Variants in MYH13 observed in about 807,000 individuals in gnomAD.
The protein encoded by MYH13 is myosin heavy chain 13.
Under a neutral mutation model 232.1 loss-of-function variants are expected in MYH13, and 177 were observed. The observed-to-expected ratio is 0.76, with a 90% CI of 0.67 to 0.86. The LOEUF is 0.86. MYH13 is among the 40% of genes least tolerant of loss of function. MYH13 has a pLI of 0.00. For missense variants in MYH13, 2,246 were observed against 2,405.9 expected (o/e 0.93, Z 1.39); for synonymous variants, 884 against 923.5 (o/e 0.96, Z 0.78).
At chr17:10,335,479 G>A (rs1162545129) in intron 18 of MYH13, among the ~76,000 whole-genome samples, 1 of 152,194 alleles carries the variant, frequency 6.6e-6, no homozygotes, top group Non-Finnish European at 1.5e-5. Flanking sequence ...CAGGCCCGGT[G>A]CGATGGCTCA....
At position 10,313,209 on chromosome 17, in the gene MYH13, G is replaced by A. The variant is rs773470485; in HGVS notation, c.4130C>T (p.Thr1377Ile). ...KANSEVAQWR[T>I]KYETDAIQRT... ...CTGAATGGCGTCCGTCTCGTATTTGGTCCTCCACTGGGCAACCTCACTGTT... is the reference window on the plus strand; with the variant it reads ...CTGAATGGCGTCCGTCTCGTATTTGATCCTCCACTGGGCAACCTCACTGTT... The change falls in exon 30 of 41, where the codon ACC (threonine) becomes ATC (isoleucine). Residue 1377 changes from threonine (T) to isoleucine (I), a missense_variant. Physicochemically the swap from Thr to Ile is moderately conservative, Grantham distance 89. Transcript: ENST00000252172. 4.3e-6 allele frequency: 7 copies of A among 1,614,140 alleles called. No individual in the cohort carries two copies. The Admixed American group carries it at 1.0e-4, about 23-fold the overall frequency.
In MYH13 at chr17:10,306,269, T is replaced by TGTGTGTGTGTGTGTG. The variant is rs1906282710; in HGVS notation, c.5466+189_5466+190insCACACACACACACAC. On this transcript the variant is annotated intron_variant, in intron 37 of 40. Transcript: ENST00000252172. This position sits in a 1 kb window ranked among gnomAD's most constrained non-coding sequence, Gnocchi z 4.3. ...GTGTGTGTGTGTGTGTGTGTGTGTGTTTTGGGGCATAGGAACAGGTGAAAC... is the reference window on the plus strand; with the variant it reads ...GTGTGTGTGTGTGTGTGTGTGTGTGTGTGTGTGTGTGTGTGTTTGGGGCATAGGAACAGGTGAAAC... 1.8e-4 allele frequency among the ~76,000 whole-genome samples: 25 copies of TGTGTGTGTGTGTGTG among 141,484 alleles called. No homozygotes were observed. The highest frequency in any genetic ancestry group is 3.4e-4 in the Non-Finnish European group (22 of 64,918). The allele number at this position is 141,484 out of a possible 152,430, so 92.8% of individuals were successfully genotyped here.
chr17:10,346,422 T>G (rs576216732), intron 13 of MYH13, among the ~76,000 whole-genome samples: 1 of 152,208 alleles, frequency 6.6e-6, no homozygotes. Flanking sequence ...CAACAGCCCA[T>G]GAATCCCAGA....
chr17:10,319,320 CCAACA>C lies in MYH13; in HGVS notation c.3349-146_3349-142del. 2.8e-6 allele frequency: 3 copies of C among 1,059,656 alleles called. No individual in the cohort carries two copies. The South Asian group carries it at 5.2e-5, about 18-fold the overall frequency. The allele number at this position is 1,059,656 out of a possible 1,614,324, so 65.6% of individuals were successfully genotyped here. ...GGTCAGGAGTTTGAAACCAGCCTGG[CCAACA>C]TGGTGAAACTCCGCCTCTACTAAAA... On this transcript the variant is annotated intron_variant, in intron 26 of 40. Coordinates refer to ENST00000252172, the MANE Select transcript of MYH13 (RefSeq NM_003802.3).
At chr17:10,305,643 C>T (rs1045402272) in intron 37 of MYH13, among the ~76,000 whole-genome samples, 3 of 152,252 alleles carry the variant, frequency 2.0e-5, no homozygotes, top group South Asian at 4.2e-4. Flanking sequence ...AAGAGACATT[C>T]GAACAGCCTC....
chr17:10,367,045 C>T (rs951861826), intron 2 of MYH13, among the ~76,000 whole-genome samples: 1 of 152,210 alleles, frequency 6.6e-6, no homozygotes, highest in Admixed American at 6.5e-5. Flanking sequence ...TTTAGAGTCT[C>T]TCAGTTACCA....
At chr17:10,348,776 G>C (rs749656247) in intron 12 of MYH13, among the ~76,000 whole-genome samples, 1 of 151,960 alleles carries the variant, frequency 6.6e-6, no homozygotes, top group Non-Finnish European at 1.5e-5. Context: ...TACTTCCCCT[G>C]CTACTTGGAC....
In MYH13 at chr17:10,320,479, C is replaced by A. The variant is rs551341526; in HGVS notation, c.3129G>T (p.Glu1043Asp). 19 of 1,613,034 alleles carry A rather than the reference C, an allele frequency of 1.2e-5. No homozygotes were observed. In the African/African-American group the frequency reaches 2.4e-4, roughly 20 times the overall value. Residue 1043 changes from glutamate (E) to aspartate (D), a missense_variant, in exon 25 of 41, where the codon GAG (glutamate) becomes GAT (aspartate). Glu to Asp is a conservative substitution (Grantham distance 45, BLOSUM62 2). Transcript: ENST00000252172. ...QQTDDLEGSL[E>D]QEKKLRADLE... ...AGTCCGCCCGCAGTTTCTTCTCCTGCTCTAAGGAACCCTCAAGCTGAGAAG... is the reference window on the plus strand; with the variant it reads ...AGTCCGCCCGCAGTTTCTTCTCCTGATCTAAGGAACCCTCAAGCTGAGAAG...
intron 18 of MYH13, 104 bp from the exon 19 acceptor site, chr17:10,333,295 A>T: frequency 1.2e-6 from 1 of 800,346 alleles, no homozygotes; most frequent in Non-Finnish European, 2.1e-6. Flanking sequence ...TGAGTGGGAG[A>T]GTCAGTGAGT....
chr17:10,303,019 G>A (rs150812705), intron 39 of MYH13, among the ~76,000 whole-genome samples, 177 bp downstream of exon 39: 129 of 152,112 alleles, frequency 8.5e-4, no homozygotes, highest in Non-Finnish European at 1.6e-3. Flanking sequence ...GGTGAAGGTC[G>A]TGAAGGCTTA....
intron 37 of MYH13, among the ~76,000 whole-genome samples, chr17:10,305,023 G>T (rs984198794): frequency 1.3e-5 from 2 of 152,158 alleles, no homozygotes; most frequent in African/African-American, 4.8e-5. Context: ...TAATCGGACA[G>T]GCTTACTCTG....
At chr17:10,315,523 T>C (rs1018994579) in intron 29 of MYH13, among the ~76,000 whole-genome samples, 170 bp downstream of exon 29, 1 of 152,174 alleles carries the variant, frequency 6.6e-6, no homozygotes, top group African/African-American at 2.4e-5. Context: ...CTTGAACTCC[T>C]GATCTCGTGA....
chr17:10,350,537 C>T lies in MYH13; in HGVS notation c.1144+19G>A. 4 of 1,609,794 alleles carry T rather than the reference C, an allele frequency of 2.5e-6. No individual in the cohort carries two copies. Among genetic ancestry groups the T allele is most frequent in the Non-Finnish European group, 3.4e-6 (4 of 1,178,662 alleles). ...AACATAGATGGACCCAATCGCATCCCTTTCCCAGATGCAGTTACCTTCGGT... is the reference window on the plus strand; with the variant it reads ...AACATAGATGGACCCAATCGCATCCTTTTCCCAGATGCAGTTACCTTCGGT... On this transcript the variant is annotated intron_variant, in intron 12 of 40. Transcript: ENST00000252172.
At position 10,332,124 on chromosome 17, in the gene MYH13, T is replaced by A. The variant is rs1907427633; in HGVS notation, c.2273A>T (p.Glu758Val). The A allele has an allele frequency of 6.2e-7, 1 of 1,613,902 alleles. No homozygotes were observed. Among genetic ancestry groups the A allele is most frequent in the East Asian group, 2.2e-5 (1 of 44,876 alleles). ...CTTGGTGTTGCCGAACCTGAACTGC[T>A]CCCGGTCCACATCGATGGAGTTGAG... ...KLLNSIDVDR[E>V]QFRFGNTKVF... is the part of the protein sequence containing the mutation. Residue 758 changes from glutamate to valine, a missense_variant, in exon 20 of 41, where the codon GAG becomes GTG. Glu to Val is a moderately radical substitution (Grantham distance 121, BLOSUM62 -2). Transcript: ENST00000252172.
chr17:10,342,935 A>G (rs2071629258), intron 16 of MYH13, among the ~76,000 whole-genome samples: 1 of 151,898 alleles, frequency 6.6e-6, no homozygotes, highest in South Asian at 2.1e-4. Flanking sequence ...CTAAAAATAC[A>G]AAAAATTAGC....
At chr17:10,319,758 C>T (rs776650279) in intron 26 of MYH13, among the ~76,000 whole-genome samples, 9 of 152,078 alleles carry the variant, frequency 5.9e-5, no homozygotes, top group Non-Finnish European at 1.3e-4. Flanking sequence ...GAAACAAGAA[C>T]CTTTTCTGCA....
intron 13 of MYH13, 96 bp downstream of exon 13, chr17:10,346,584 A>G: frequency 5.4e-6 from 5 of 919,274 alleles, no homozygotes; most frequent in Non-Finnish European, 8.3e-6. Flanking sequence ...AGCTGATTTC[A>G]TGTGCATTTC....
At position 10,348,215 on chromosome 17, in the gene MYH13, G is replaced by A. The variant is rs139839797; in HGVS notation, c.1145-1417C>T. Among the ~76,000 whole-genome samples the A allele has an allele frequency of 8.1e-4, 123 of 152,326 alleles. 2 individuals are homozygous for A. Among genetic ancestry groups the A allele is most frequent in the African/African-American group, 2.9e-3 (121 of 41,574 alleles). ...TTCTTCTTGTCATTTAAACTTGAAA[G>A]GGGTGATACATCCTTCTCTCTCTTG... On this transcript the variant is annotated intron_variant, in intron 12 of 40. Transcript: ENST00000252172.
At chr17:10,362,829 C>T (rs894478861) in intron 3 of MYH13, among the ~76,000 whole-genome samples, 8 of 152,180 alleles carry the variant, frequency 5.3e-5, no homozygotes, top group Admixed American at 5.2e-4. Context: ...TGTGATGAGA[C>T]AAAGGTTGGA....
Sources: gnomAD v4.1 joint callset for allele counts (sites outside exome capture counted in the v4.1 genomes callset) on GRCh38, gnomAD v4.1.1 for gene constraint, Gnocchi (gnomAD v3.1) non-coding constraint, MANE v1.5 for transcripts, NCBI Gene and HGNC (gene_info 2026-07-23, HGNC 2026-07-21) for gene names.